Variants in TRDN observed in about 807,000 individuals in gnomAD.
TRDN encodes the protein triadin in skeletal muscle.
TRDN carries 161 observed loss-of-function variants against 149.7 expected under a neutral mutation model. The observed-to-expected ratio is 1.08, with a 90% confidence interval of 0.95 to 1.23. The LOEUF is 1.23. Ranked by LOEUF, TRDN falls within the 50% of genes most tolerant of loss-of-function variation. The pLI is 0.00. For missense variants in TRDN, 896 were observed against 823.5 expected, an observed-to-expected ratio of 1.09 and a Z score of -1.08; for synonymous variants, 294 against 250.5, an observed-to-expected ratio of 1.17 and a Z score of -1.64.
At chr6:123,375,255 A>G (rs938017462) in intron 19 of TRDN, among the ~76,000 whole-genome samples, 1 of 152,176 alleles carries the variant, frequency 6.6e-6, no homozygotes, top group Non-Finnish European at 1.5e-5. Context: ...TAGACAAATT[A>G]GGTTGCCTAC....
In TRDN at chr6:123,503,897, C is replaced by T; in HGVS notation, c.615G>A (p.Gln205=). ...KPETKTLAKE[Q]KKAKTAEKSE... ...TCTTTTCTGCAGTCTTAGCTTTCTTCTGTTCTGTATAAAGTTAAAAGATGT... is the reference window on the plus strand; with the variant it reads ...TCTTTTCTGCAGTCTTAGCTTTCTTTTGTTCTGTATAAAGTTAAAAGATGT... The change falls in exon 8 of 41, where the codon CAG becomes CAA. Residue 205 remains glutamine, a synonymous_variant. Transcript: ENST00000334268. 1.9e-6 allele frequency: 3 copies of T among 1,557,182 alleles called. No homozygotes were observed. Among genetic ancestry groups the T allele is most frequent in the South Asian group, 2.4e-5 (2 of 84,234 alleles).
chr6:123,589,818 T>C (rs996270078), intron 1 of TRDN, among the ~76,000 whole-genome samples: 1 of 152,212 alleles, frequency 6.6e-6, no homozygotes, highest in Non-Finnish European at 1.5e-5. Context: ...CAGAAAATTG[T>C]AGATTCCTCA....
chr6:123,427,764 T>C (rs927473954), intron 12 of TRDN, among the ~76,000 whole-genome samples: 20 of 152,192 alleles, frequency 1.3e-4, no homozygotes, highest in African/African-American at 4.8e-4. Context: ...GAATATAATC[T>C]GGTTTATTTT....
At chr6:123,319,716 C>T (rs183356602) in intron 23 of TRDN, among the ~76,000 whole-genome samples, 81 of 152,172 alleles carry the variant, frequency 5.3e-4, no homozygotes, top group African/African-American at 1.3e-3. Context: ...TGAAGCCCTT[C>T]GTTTTGGGCT....
At chr6:123,277,056 T>A (rs570745182) in intron 26 of TRDN, among the ~76,000 whole-genome samples, 1 of 152,134 alleles carries the variant, frequency 6.6e-6, no homozygotes, top group Non-Finnish European at 1.5e-5. Flanking sequence ...TTTATTTTAT[T>A]GCAATTTCTT....
At chr6:123,527,280 A>C (rs1283128191) in intron 5 of TRDN, among the ~76,000 whole-genome samples, 2 of 152,030 alleles carry the variant, frequency 1.3e-5, no homozygotes, top group East Asian at 3.9e-4. Context: ...TTTATGACAA[A>C]TAACATTCTC....
intron 21 of TRDN, among the ~76,000 whole-genome samples, chr6:123,347,979 A>G (rs1224233297): frequency 6.6e-6 from 1 of 152,088 alleles, no homozygotes; most frequent in African/African-American, 2.4e-5. Flanking sequence ...CAAAGTTGTA[A>G]GCGCTAACTC....
chr6:123,259,377 T>G (rs1283552850), intron 35 of TRDN, among the ~76,000 whole-genome samples: 1 of 152,134 alleles, frequency 6.6e-6, no homozygotes, highest in African/African-American at 2.4e-5. Context: ...AGTTTTAATT[T>G]AGTAGTAACA....
intron 1 of TRDN, among the ~76,000 whole-genome samples, chr6:123,614,089 G>A (rs770353538): frequency 1.3e-5 from 2 of 151,622 alleles, no homozygotes; most frequent in Non-Finnish European, 2.9e-5. Context: ...GTACCTGGGG[G>A]GCTTGTTAGG....
In TRDN at chr6:123,636,843, G is replaced by A; in HGVS notation, c.-68C>T. 1 of 1,594,544 alleles carries A rather than the reference G, an allele frequency of 6.3e-7. No homozygotes were observed. Among genetic ancestry groups the A allele is most frequent in the Non-Finnish European group, 8.6e-7 (1 of 1,163,596 alleles). ...AGTTGCACTTTGCAGAGTATTTGGG[G>A]ATTTGAGAACTCTGGTGGAGGGTTC... On this transcript the variant is annotated 5_prime_UTR_variant, in exon 1 of 41. Coordinates refer to ENST00000334268, the MANE Select transcript of TRDN (RefSeq NM_006073.4).
chr6:123,345,723 T>C (rs1462346153), intron 21 of TRDN, among the ~76,000 whole-genome samples: 4 of 152,026 alleles, frequency 2.6e-5, no homozygotes, highest in Non-Finnish European at 4.4e-5. Context: ...TTAGTTTCTG[T>C]TTATTTCTTT....
intron 24 of TRDN, 80 bp downstream of exon 24, chr6:123,316,377 G>A: frequency 7.5e-7 from 1 of 1,335,182 alleles, no homozygotes; most frequent in East Asian, 2.3e-5. Context: ...ATCCAGCCAG[G>A]ATTGTAAAAC....
chr6:123,595,882 A>T (rs1167313047), intron 1 of TRDN, among the ~76,000 whole-genome samples: 1 of 152,040 alleles, frequency 6.6e-6, no homozygotes, highest in African/African-American at 2.4e-5. Flanking sequence ...CTCTCCTCAG[A>T]CGTCCCTATT....
At chr6:123,596,591 C>T (rs1399867564) in intron 1 of TRDN, among the ~76,000 whole-genome samples, 5 of 152,110 alleles carry the variant, frequency 3.3e-5, no homozygotes, top group African/African-American at 1.2e-4. Flanking sequence ...CTTCAAAGGA[C>T]AGGCTAACTC....
chr6:123,400,751 C>A (rs1021909802), intron 12 of TRDN, among the ~76,000 whole-genome samples: 1 of 152,270 alleles, frequency 6.6e-6, no homozygotes, highest in Non-Finnish European at 1.5e-5. Flanking sequence ...ACTTAAAAAA[C>A]CAGCCCCTTT....
chr6:123,333,165 C>T (rs562060769), intron 22 of TRDN, among the ~76,000 whole-genome samples: 1 of 152,100 alleles, frequency 6.6e-6, no homozygotes, highest in African/African-American at 2.4e-5. Flanking sequence ...CACTTCCTGG[C>T]TAAGCCAAAA....
chr6:123,526,159 G>A (rs908399141), intron 5 of TRDN, among the ~76,000 whole-genome samples: 8 of 151,944 alleles, frequency 5.3e-5, no homozygotes, highest in Non-Finnish European at 8.8e-5. Context: ...GTAGAAAGGG[G>A]ATTTAAAGAT....
At chr6:123,625,524 T>C (rs1242936248) in intron 1 of TRDN, among the ~76,000 whole-genome samples, 5 of 152,170 alleles carry the variant, frequency 3.3e-5, no homozygotes, top group Non-Finnish European at 7.4e-5. Context: ...GAATAATATC[T>C]AGCATTTGAT....
At chr6:123,252,608 A>G (rs1776413394) in intron 37 of TRDN, among the ~76,000 whole-genome samples, 173 bp from the exon 38 acceptor site, 1 of 152,038 alleles carries the variant, frequency 6.6e-6, no homozygotes, top group African/African-American at 2.4e-5. Context: ...GTTTTGTTAT[A>G]ATTTTTAATT....
Sources: allele counts gnomAD v4.1 joint callset (sites outside exome capture counted in the v4.1 genomes callset), GRCh38; gene constraint gnomAD v4.1.1; transcripts MANE v1.5; gene names NCBI Gene and HGNC (gene_info 2026-07-23, HGNC 2026-07-21).